The following MYO7B variants were observed in gnomAD, a reference collection of about 807,000 sequenced individuals.
MYO7B encodes unconventional myosin-VIIb.
MYO7B carries 212 observed loss-of-function variants against 259.7 expected under a neutral mutation model. The ratio of observed to expected loss-of-function variants is 0.82; its 90% CI spans 0.73 to 0.91. MYO7B has a LOEUF of 0.91. MYO7B is among the 40% of genes least tolerant of loss of function. The probability of loss-of-function intolerance (pLI) is 0.00; values close to 1 mark genes in which losing one functional copy is unlikely to be tolerated. For synonymous variants in MYO7B, 1,197 were observed against 1,166.4 expected (o/e 1.03, Z -0.54); for missense variants, 2,732 against 2,813.5 (o/e 0.97, Z 0.66).
At chr2:127,623,158 A>C (rs373639182) in intron 28 of MYO7B, 44 bp from the exon 29 acceptor site, 1 of 1,606,858 alleles carries the variant, frequency 6.2e-7, no homozygotes, top group African/African-American at 1.3e-5. Flanking sequence ...CCTCCTGTCC[A>C]TAGGTTCCAA....
intron 37 of MYO7B, 47 bp from the exon 38 acceptor site, chr2:127,631,551 CTG>C (rs766468643): frequency 1.8e-5 from 28 of 1,596,356 alleles, no homozygotes; most frequent in African/African-American, 8.0e-5. Context: ...TATCCCCAGT[CTG>C]TGTCAGCGTG....
intron 24 of MYO7B, among the ~76,000 whole-genome samples, chr2:127,610,773 C>T (rs776627723): frequency 6.6e-6 from 1 of 152,212 alleles, no homozygotes; most frequent in Non-Finnish European, 1.5e-5. Context: ...TGCAGACTAA[C>T]TGCATAGGAA....
At position 127,632,249 on chromosome 2, in the gene MYO7B, C is replaced by G. The variant is rs1416087461; in HGVS notation, c.5253C>G (p.His1751Gln). 1.2e-6 allele frequency: 2 copies of G among 1,611,508 alleles called. No individual in the cohort carries two copies. The highest frequency in any genetic ancestry group is 2.7e-5 in the African/African-American group (2 of 74,922). Residue 1751 changes from histidine to glutamine, a missense_variant, in exon 39 of 48, where the codon CAC becomes CAG. Coordinates refer to ENST00000409816, the MANE Select transcript of MYO7B (RefSeq NM_001393586.1). ...LKQLTHNSNR[H>Q]SEERGWQLLW... ...GCTGACAAGTGCTACCCTTCAGGCA[C>G]AGCGAAGAGCGGGGCTGGCAGCTGC...
At position 127,628,558 on chromosome 2, in the gene MYO7B, G is replaced by T. The variant is rs756370595; in HGVS notation, c.4624+23G>T. ...CAGGTGCCAGACTGGGTGGGGTGGG[G>T]TGGGGTGGGGTGGGGTGGGGGAGGG... On this transcript the variant is annotated intron_variant, in intron 34 of 47. Transcript: ENST00000409816. The surrounding 1 kb of genome is among the most constrained non-coding windows in gnomAD (Gnocchi z 4.8). The T allele has an allele frequency of 1.0e-5, 13 of 1,264,328 alleles. No homozygotes were observed. The African/African-American group carries it at 2.0e-4, about 19-fold the overall frequency. The allele number at this position is 1,264,328 out of a possible 1,614,324, so 78.3% of individuals were successfully genotyped here. A position where few individuals can be genotyped will look rare whatever the true frequency, so the allele number is the denominator to read the frequency against.
chr2:127,543,889 C>T (rs944516990), intron 1 of MYO7B, among the ~76,000 whole-genome samples: 4 of 151,918 alleles, frequency 2.6e-5, no homozygotes, highest in Admixed American at 6.6e-5. Context: ...GGACTACAGG[C>T]ACCTGCCACC....
intron 39 of MYO7B, 68 bp downstream of exon 39, chr2:127,632,469 G>C (rs568134802): frequency 6.7e-7 from 1 of 1,484,438 alleles, no homozygotes; most frequent in African/African-American, 1.4e-5. Flanking sequence ...TGTGGGGCCT[G>C]GCCAGCCTTC....
chr2:127,584,501 G>C lies in MYO7B; in HGVS notation c.1554+169G>C, dbSNP rs1679226943. Among the ~76,000 whole-genome samples the C allele has an allele frequency of 6.6e-6, 1 of 152,108 alleles. No homozygotes were observed. The highest frequency in any genetic ancestry group is 2.1e-4 in the South Asian group (1 of 4,824). On this transcript the variant is annotated intron_variant, in intron 13 of 47. Transcript: ENST00000409816. The surrounding 1 kb of genome is among the most constrained non-coding windows in gnomAD (Gnocchi z 5.8). ...AACCAGACAGACCCTCCTCTCCAAG[G>C]CCCACTTCTCTGACTGCTGGGGTCC...
chr2:127,580,789 G>A lies in MYO7B; in HGVS notation c.1047G>A (p.Thr349=), dbSNP rs190003805. ...TGGACGCCTCAGACGTGATGGAGAC[G>A]CCCGCCTTTCCCACCGTGATGAAGT... is the stretch of plus-strand genomic sequence containing the variant. The part of the protein sequence containing the change: ...ENLDASDVME[T]PAFPTVMKLL... The change falls in exon 10 of 48, where the codon ACG becomes ACA. Residue 349 remains threonine, a synonymous_variant. Coordinates refer to ENST00000409816, the MANE Select transcript of MYO7B (RefSeq NM_001393586.1). 25 of 1,613,410 alleles carry A rather than the reference G, an allele frequency of 1.5e-5. No individual in the cohort carries two copies. Among genetic ancestry groups the A allele is most frequent in the South Asian group, 6.6e-5 (6 of 90,860 alleles).
At position 127,637,690 on chromosome 2, in the gene MYO7B, C is replaced by A. The variant is rs769390821; in HGVS notation, c.*273C>A. On this transcript the variant is annotated 3_prime_UTR_variant, in exon 48 of 48. Coordinates refer to ENST00000409816, the MANE Select transcript of MYO7B (RefSeq NM_001393586.1). ...AGGACACCTCCCAACCCCACCCCACCCCACCAGAATGTTCAATAAAAACTC... is the reference window on the plus strand; with the variant it reads ...AGGACACCTCCCAACCCCACCCCACACCACCAGAATGTTCAATAAAAACTC... 6.9e-5 allele frequency: 27 copies of A among 390,952 alleles called. No homozygotes were observed. Among genetic ancestry groups the A allele is most frequent in the Non-Finnish European group, 1.1e-4 (23 of 218,834 alleles). The allele number at this position is 390,952 out of a possible 1,614,324, so 24.2% of individuals were successfully genotyped here. A position where few individuals can be genotyped will look rare whatever the true frequency, so the allele number is the denominator to read the frequency against.
chr2:127,583,932 G>A (rs1054921403), intron 12 of MYO7B, among the ~76,000 whole-genome samples, 190 bp from the exon 13 acceptor site: 5 of 144,100 alleles, frequency 3.5e-5, no homozygotes, highest in African/African-American at 1.2e-4. Context: ...AGGTGACAGT[G>A]ATGGAGGCAG....
At chr2:127,542,825 G>C (rs1693058337) in intron 1 of MYO7B, among the ~76,000 whole-genome samples, 1 of 152,170 alleles carries the variant, frequency 6.6e-6, no homozygotes, top group African/African-American at 2.4e-5. Context: ...TGGGGAGAAG[G>C]TAGGCAGGAA....
chr2:127,573,143 C>T (rs1056509725), intron 6 of MYO7B, among the ~76,000 whole-genome samples: 1 of 152,156 alleles, frequency 6.6e-6, no homozygotes, highest in African/African-American at 2.4e-5. Flanking sequence ...CCTTTTCCTT[C>T]GTTTCATGGG....
Position 127,590,260 on chromosome 2 carries a change from G to A in MYO7B, c.1992+31G>A, listed in dbSNP as rs760917213. 3.7e-6 allele frequency: 6 copies of A among 1,612,094 alleles called. No homozygotes were observed. Among genetic ancestry groups the A allele is most frequent in the Non-Finnish European group, 5.1e-6 (6 of 1,179,604 alleles). ...GACAGGAGGCTGGGGCACAGCAAAG[G>A]AGGGAGGAGGAGGAGGCTGATGGCC... is the stretch of plus-strand genomic sequence containing the variant. On this transcript the variant is annotated intron_variant, in intron 16 of 47. Coordinates refer to ENST00000409816, the MANE Select transcript of MYO7B (RefSeq NM_001393586.1). The surrounding 1 kb of genome is among the most constrained non-coding windows in gnomAD (Gnocchi z 4.6).
intron 9 of MYO7B, among the ~76,000 whole-genome samples, chr2:127,579,541 A>G (rs1679019061): frequency 6.6e-6 from 1 of 152,038 alleles, no homozygotes; most frequent in Admixed American, 6.6e-5. Flanking sequence ...TGAAGCAGGC[A>G]CAAGAGAATG....
chr2:127,624,282 CT>C lies in MYO7B; in HGVS notation c.4010del (p.Leu1337ProfsTer117). Reference protein sequence around the residue: ...VSTELIYRQVLRGVWSGEYSF... With the variant: ...VSTELIYRQVXRGVWSGEYSF... The stretch of plus-strand genomic sequence containing the variant: ...CACCGAGCTTATTTACCGCCAAGTC[CT>C]CCGAGGAGTCTGGTCTGGCGAGTAC... On this transcript the variant is annotated frameshift_variant, in exon 30 of 48. Transcript: ENST00000409816. LOFTEE classifies it high-confidence loss of function. 6.3e-7 allele frequency: 1 copy of C among 1,587,604 alleles called. No homozygotes were observed.
At chr2:127,564,976 G>A (rs1678267653) in intron 3 of MYO7B, among the ~76,000 whole-genome samples, 1 of 152,208 alleles carries the variant, frequency 6.6e-6, no homozygotes, top group African/African-American at 2.4e-5. Context: ...CTGAAATTCA[G>A]CCCTAGCCCC....
chr2:127,637,341 C>A lies in MYO7B; in HGVS notation c.6353C>A (p.Thr2118Asn), dbSNP rs1333136908. 6.3e-7 allele frequency: 1 copy of A among 1,593,782 alleles called. No individual in the cohort carries two copies. Residue 2118 changes from threonine to asparagine, a missense_variant, in exon 48 of 48, where the codon ACC (threonine) becomes AAC (asparagine). Transcript: ENST00000409816. ...GGCTATAAGATGGATGACCTGCTGA[C>A]CTCATATGTGCAGCAGCTCCTGAGT... Reference protein sequence around the residue: ...SLGYKMDDLLTSYVQQLLSAM... With the variant: ...SLGYKMDDLLNSYVQQLLSAM...
rs1573669142 is a variant in MYO7B at position 127,594,945 on chromosome 2, G to T, written c.2244+1301G>T. On this transcript the variant is annotated intron_variant, in intron 18 of 47. Transcript: ENST00000409816. ...TGGCCTGAAGTTTTCTTCTTTTGTTGTATCTATGCCAGGTTTTGGTATCAG... is the reference window on the plus strand; with the variant it reads ...TGGCCTGAAGTTTTCTTCTTTTGTTTTATCTATGCCAGGTTTTGGTATCAG... Among the ~76,000 whole-genome samples the T allele has an allele frequency of 2.6e-5, 4 of 152,218 alleles. No individual in the cohort carries two copies. The South Asian group carries it at 6.2e-4, about 24-fold the overall frequency.
intron 1 of MYO7B, among the ~76,000 whole-genome samples, chr2:127,549,085 G>A (rs1437849100): frequency 1.3e-5 from 2 of 151,966 alleles, no homozygotes; most frequent in Admixed American, 1.3e-4. Context: ...TTGCCCTGAA[G>A]TCTGCTCTAA....
Sources: gnomAD v4.1 joint callset for allele counts (sites outside exome capture counted in the v4.1 genomes callset) on GRCh38, gnomAD v4.1.1 for gene constraint, Gnocchi (gnomAD v3.1) non-coding constraint, MANE v1.5 for transcripts, NCBI Gene and HGNC (gene_info 2026-07-23, HGNC 2026-07-21) for gene names.